ABI2: variants seen among roughly 807,000 people sequenced by gnomAD.
ABI2 encodes abelson interactor 2.
Under a neutral mutation model 59.2 loss-of-function variants are expected in ABI2, and 25 were observed. That is an observed-to-expected ratio of 0.42 (90% CI 0.31 to 0.59). The LOEUF (loss-of-function observed/expected upper bound fraction) is 0.59, where lower values mean the gene tolerates loss of function less well. Ranked by LOEUF, ABI2 falls within the 20% of genes least tolerant of loss-of-function variation. The pLI is 0.14. For missense variants in ABI2, 545 were observed against 681.8 expected, an observed-to-expected ratio of 0.80 and a Z score of 2.23; for synonymous variants, 213 against 235.5, an observed-to-expected ratio of 0.90 and a Z score of 0.87.
At chr2:203,392,260 TCAG>T (rs1204980938) in intron 5 of ABI2, among the ~76,000 whole-genome samples, 1 of 150,118 alleles carries the variant, frequency 6.7e-6, no homozygotes, top group Non-Finnish European at 1.5e-5. Context: ...TTTGGCTTCC[TCAG>T]CACCACCACC....
chr2:203,364,187 G>A (rs569495971), intron 1 of ABI2, among the ~76,000 whole-genome samples: 115 of 151,550 alleles, frequency 7.6e-4, no homozygotes, highest in Non-Finnish European at 1.4e-3. Context: ...CCCGCCTCCT[G>A]GGTTCAAGTG....
chr2:203,362,874 CAGA>C (rs2093716562), intron 1 of ABI2, among the ~76,000 whole-genome samples: 1 of 151,692 alleles, frequency 6.6e-6, no homozygotes. Context: ...CTCTGTTGCC[CAGA>C]CTGGAGTGCA....
At chr2:203,343,200 C>T (rs763623937) in intron 1 of ABI2, among the ~76,000 whole-genome samples, 1 of 152,048 alleles carries the variant, frequency 6.6e-6, no homozygotes, top group East Asian at 1.9e-4. Context: ...CTTGTCTCTA[C>T]TAAAAATACA....
At chr2:203,358,038 G>A (rs1440826444) in intron 1 of ABI2, among the ~76,000 whole-genome samples, 1 of 150,928 alleles carries the variant, frequency 6.6e-6, no homozygotes, top group Non-Finnish European at 1.5e-5. Context: ...GAAGTGCTGG[G>A]ATTACAGCCA....
At chr2:203,388,618 T>A (rs990772180) in intron 4 of ABI2, among the ~76,000 whole-genome samples, 1 of 151,822 alleles carries the variant, frequency 6.6e-6, no homozygotes, top group Non-Finnish European at 1.5e-5. Flanking sequence ...GAGGTGGAGG[T>A]TGTAGTGAGC....
intron 9 of ABI2, among the ~76,000 whole-genome samples, chr2:203,410,261 C>G (rs2097603671): frequency 6.6e-6 from 1 of 152,158 alleles, no homozygotes; most frequent in Non-Finnish European, 1.5e-5. Context: ...AGAATGTGAT[C>G]TCCTTGAGAG....
At chr2:203,405,229 G>A (rs1428308619) in intron 9 of ABI2, among the ~76,000 whole-genome samples, 1 of 152,066 alleles carries the variant, frequency 6.6e-6, no homozygotes, top group African/African-American at 2.4e-5. Flanking sequence ...GTTTAAAGTG[G>A]GTGGCCACAG....
At position 203,385,139 on chromosome 2, in the gene ABI2, C is replaced by CTTTTTTTTTTTTTTTTTTTTTTTTTTTT. The variant is rs10527327; in HGVS notation, c.480+2946_480+2947insTTTTTTTTTTTTTTTTTTTTTTTTTTTT. ...TGAGCCACCGCACCCGGCTCAGATT[C>CTTTTTTTTTTTTTTTTTTTTTTTTTTTT]TTTTTTTTTTTTTGAGACAGTCTTG... On this transcript the variant is annotated intron_variant, in intron 4 of 11. Transcript: ENST00000261018. Among the ~76,000 whole-genome samples, 10 of 69,970 alleles carry CTTTTTTTTTTTTTTTTTTTTTTTTTTTT rather than the reference C, an allele frequency of 1.4e-4. 2 individuals carry two copies. The highest frequency in any genetic ancestry group is 4.2e-4 in the East Asian group (1 of 2,388). 45.9% of individuals were successfully genotyped at this position (69,970 alleles called of 152,430 possible).
chr2:203,335,484 A>C (rs1479499060), intron 1 of ABI2, among the ~76,000 whole-genome samples: 1 of 152,100 alleles, frequency 6.6e-6, no homozygotes, highest in Non-Finnish European at 1.5e-5. Context: ...CTGGTCTTGG[A>C]ACACCTGGGC....
intron 2 of ABI2, among the ~76,000 whole-genome samples, chr2:203,374,178 A>G (rs1577748607): frequency 1.3e-5 from 2 of 151,600 alleles, no homozygotes; most frequent in Middle Eastern, 3.4e-3. Flanking sequence ...AAACACAAAA[A>G]CTTTATATAG....
At chr2:203,342,053 G>A (rs1383788809) in intron 1 of ABI2, 2 of 350,574 alleles carry the variant, frequency 5.7e-6, no homozygotes, top group Non-Finnish European at 1.1e-5. Flanking sequence ...ATTCTGTGAA[G>A]AGAGGAATTA....
At chr2:203,412,154 T>G (rs1444630625) in intron 10 of ABI2, among the ~76,000 whole-genome samples, 1 of 152,234 alleles carries the variant, frequency 6.6e-6, no homozygotes, top group Non-Finnish European at 1.5e-5. Flanking sequence ...CAAGGATGGA[T>G]GACTTCACTG....
Position 203,402,564 on chromosome 2 carries a change from T to C in ABI2, c.1034-12T>C, listed in dbSNP as rs1439462522. The C allele has an allele frequency of 8.2e-6, 12 of 1,466,120 alleles. No homozygotes were observed. The highest frequency in any genetic ancestry group is 1.1e-5 in the Non-Finnish European group (12 of 1,106,708). The allele number at this position is 1,466,120 out of a possible 1,614,324, so 90.8% of individuals were successfully genotyped here. ...CTTTTAATGACATATGTATGTTCTA[T>C]CTCTTTTTCAGGTCATCCTGTACAG... On this transcript the variant is annotated splice_polypyrimidine_tract_variant and intron_variant, in intron 8 of 11. Transcript: ENST00000261018.
chr2:203,407,999 AAAG>A (rs1471012673), intron 9 of ABI2, among the ~76,000 whole-genome samples: 1 of 152,234 alleles, frequency 6.6e-6, no homozygotes, highest in Non-Finnish European at 1.5e-5. Flanking sequence ...CCACCTTATT[AAAG>A]GTTTGTCCTG....
intron 2 of ABI2, chr2:203,375,929 C>A: frequency 1.7e-6 from 1 of 582,352 alleles, no homozygotes; most frequent in Non-Finnish European, 2.8e-6. Flanking sequence ...CTTCTGCCCA[C>A]AGGCAATACT....
At chr2:203,351,467 G>C (rs988032008) in intron 1 of ABI2, 2 of 394,300 alleles carry the variant, frequency 5.1e-6, no homozygotes, top group African/African-American at 4.3e-5. Flanking sequence ...CATGAACATG[G>C]ATGTCTTTTC....
At chr2:203,421,739 G>A (rs755845530) in intron 11 of ABI2, among the ~76,000 whole-genome samples, 8 of 152,026 alleles carry the variant, frequency 5.3e-5, no homozygotes, top group East Asian at 1.9e-4. Flanking sequence ...GGCCAAGGCC[G>A]GCAGATGACA....
At position 203,431,949 on chromosome 2, in the gene ABI2, T is replaced by TTA. The variant is rs1020778211; in HGVS notation, c.*4598_*4599insAT. 7.2e-5 allele frequency: 11 copies of TTA among 152,152 alleles called. No individual in the cohort carries two copies. The highest frequency in any genetic ancestry group is 2.7e-4 in the African/African-American group (11 of 41,442). 9.4% of individuals were successfully genotyped at this position (152,152 alleles called of 1,614,324 possible). On this transcript the variant is annotated 3_prime_UTR_variant, in exon 12 of 12. Coordinates refer to ENST00000261018, the MANE Select transcript of ABI2 (RefSeq NM_001375670.1). ...TGTAAACAATTTGTGATCTGGCCAG[T>TTA]TGTACTTTTAGCTCCCAGAGGGAGA...
chr2:203,347,212 A>G (rs2084228952), intron 1 of ABI2, among the ~76,000 whole-genome samples: 1 of 152,192 alleles, frequency 6.6e-6, no homozygotes, highest in South Asian at 2.1e-4. Context: ...TCTCTGGTCA[A>G]ACCATAGAAG....
Sources: gnomAD v4.1 joint callset for allele counts (sites outside exome capture counted in the v4.1 genomes callset) on GRCh38, gnomAD v4.1.1 for gene constraint, MANE v1.5 for transcripts, NCBI Gene and HGNC (gene_info 2026-07-23, HGNC 2026-07-21) for gene names.